PATJ: variants seen among roughly 807,000 people sequenced by gnomAD.
PATJ encodes inaD-like protein.
A neutral mutation model predicts 224.9 loss-of-function variants in PATJ; 190 were observed. That is an observed-to-expected ratio of 0.84 (90% CI 0.75 to 0.95). PATJ has a LOEUF of 0.95. Ranked by LOEUF, PATJ falls within the 40% of genes least tolerant of loss-of-function variation. The probability of loss-of-function intolerance (pLI) is 0.00; values close to 1 mark genes in which losing one functional copy is unlikely to be tolerated. For missense variants in PATJ, 2,121 were observed against 2,270.3 expected (o/e 0.93, Z 1.34); for synonymous variants, 769 against 820.3 (o/e 0.94, Z 1.07).
chr1:61,987,262 T>C (rs1644813296), intron 27 of PATJ, among the ~76,000 whole-genome samples: 1 of 152,174 alleles, frequency 6.6e-6, no homozygotes, highest in Non-Finnish European at 1.5e-5. Context: ...GTTTCTTTTA[T>C]GGCCCAATAT....
intron 7 of PATJ, among the ~76,000 whole-genome samples, chr1:61,778,988 C>G (rs185966270): frequency 4.6e-5 from 7 of 152,160 alleles, no homozygotes; most frequent in African/African-American, 1.7e-4. Context: ...TGTGAGCCAT[C>G]AAGCCTGGCG....
At chr1:62,048,234 A>G (rs1652893825) in intron 30 of PATJ, among the ~76,000 whole-genome samples, 1 of 152,176 alleles carries the variant, frequency 6.6e-6, no homozygotes, top group African/African-American at 2.4e-5. Context: ...AGTTCTGTCA[A>G]ATTCACATGG....
chr1:61,882,694 T>C (rs1006692541), intron 21 of PATJ, among the ~76,000 whole-genome samples: 1 of 152,154 alleles, frequency 6.6e-6, no homozygotes, highest in Non-Finnish European at 1.5e-5. Context: ...CTAGTGATCC[T>C]CCTGCCTCAG....
In PATJ at chr1:61,762,931, G is replaced by T. The variant is rs761582028; in HGVS notation, c.22+17G>T. On this transcript the variant is annotated intron_variant, in intron 2 of 43. Transcript: ENST00000642238. ...CTGCTACAGGTATACTGGATATATTGTTCTATAATTAAATTAATTATTTAA... is the reference window on the plus strand; with the variant it reads ...CTGCTACAGGTATACTGGATATATTTTTCTATAATTAAATTAATTATTTAA... 1.3e-6 allele frequency: 2 copies of T among 1,517,102 alleles called. No individual in the cohort carries two copies. The highest frequency in any genetic ancestry group is 1.8e-6 in the Non-Finnish European group (2 of 1,107,768). The allele number at this position is 1,517,102 out of a possible 1,614,324, so 94.0% of individuals were successfully genotyped here. A position where few individuals can be genotyped will look rare whatever the true frequency, so the allele number is the denominator to read the frequency against.
At chr1:61,915,889 G>A (rs142425070) in intron 26 of PATJ, among the ~76,000 whole-genome samples, 65 of 151,912 alleles carry the variant, frequency 4.3e-4, no homozygotes, top group African/African-American at 1.6e-3. Flanking sequence ...TAGAGACAAG[G>A]TTTCACCATG....
At chr1:62,130,675 C>T (rs1329825457) in intron 41 of PATJ, among the ~76,000 whole-genome samples, 1 of 151,776 alleles carries the variant, frequency 6.6e-6, no homozygotes, top group Non-Finnish European at 1.5e-5. Flanking sequence ...CATGGTGAAA[C>T]CCCATCTCTA....
At chr1:61,917,505 A>C (rs571450933) in intron 26 of PATJ, among the ~76,000 whole-genome samples, 136 of 152,290 alleles carry the variant, frequency 8.9e-4, no homozygotes, top group Non-Finnish European at 1.7e-3. Context: ...TGAATCCTTT[A>C]ATGTAGTAAA....
intron 15 of PATJ, among the ~76,000 whole-genome samples, chr1:61,826,279 T>C (rs1028376222): frequency 6.7e-6 from 1 of 149,960 alleles, no homozygotes; most frequent in Non-Finnish European, 1.5e-5. Context: ...AGCAACCCAG[T>C]GTCCTCTTCC....
chr1:61,822,921 T>G (rs760767942), intron 14 of PATJ, 24 bp from the exon 15 acceptor site: 50 of 1,613,636 alleles, frequency 3.1e-5, no homozygotes, highest in Non-Finnish European at 4.2e-5. Context: ...TCATGTTTGA[T>G]CATTGCTTTG....
At chr1:61,990,457 G>C in intron 28 of PATJ, 93 bp downstream of exon 28, 1 of 756,720 alleles carries the variant, frequency 1.3e-6, no homozygotes, top group Non-Finnish European at 2.0e-6. Flanking sequence ...GAAGAATGAT[G>C]TCAAATTATA....
intron 26 of PATJ, among the ~76,000 whole-genome samples, chr1:61,921,436 C>A (rs1249133690): frequency 6.6e-6 from 1 of 152,048 alleles, no homozygotes; most frequent in Non-Finnish European, 1.5e-5. Flanking sequence ...TAGAGGGACA[C>A]CTATTAATAA....
intron 1 of PATJ, among the ~76,000 whole-genome samples, chr1:61,745,706 C>T (rs1407651263): frequency 1.3e-5 from 2 of 151,452 alleles, no homozygotes; most frequent in Non-Finnish European, 1.5e-5. Flanking sequence ...CAGGGTCAAG[C>T]GCTTCTCTTG....
intron 6 of PATJ, among the ~76,000 whole-genome samples, chr1:61,773,863 G>T (rs535422130): frequency 1.3e-5 from 2 of 152,148 alleles, no homozygotes; most frequent in South Asian, 4.2e-4. Flanking sequence ...GCTCACGCCT[G>T]TAGTCCCAGG....
intron 29 of PATJ, among the ~76,000 whole-genome samples, chr1:62,032,344 T>TTA (rs1649492052): frequency 6.6e-6 from 1 of 152,158 alleles, no homozygotes. Context: ...TTAATTGGTT[T>TTA]AGAATTCATT....
chr1:62,022,038 A>C, intron 29 of PATJ, among the ~76,000 whole-genome samples: 1 of 151,832 alleles, frequency 6.6e-6, no homozygotes, highest in East Asian at 1.9e-4. Flanking sequence ...TACCTTGACA[A>C]CTGTTTTTCA....
chr1:62,002,833 G>A (rs969363753), intron 28 of PATJ, among the ~76,000 whole-genome samples: 3 of 152,008 alleles, frequency 2.0e-5, no homozygotes, highest in South Asian at 2.1e-4. Flanking sequence ...CAAGGGACAA[G>A]TGAAATACTT....
At chr1:61,833,854 A>AATTGTTTAAGACCCCT in intron 17 of PATJ, 69 bp downstream of exon 17, 1 of 1,454,892 alleles carries the variant, frequency 6.9e-7, no homozygotes, top group South Asian at 1.4e-5. Context: ...GGGAAGTAGC[A>AATTGTTTAAGACCCCT]ATTGTTTAAG....
chr1:61,758,173 C>T (rs1337843514), intron 1 of PATJ, among the ~76,000 whole-genome samples: 1 of 152,186 alleles, frequency 6.6e-6, no homozygotes. Context: ...CAGGCAGAAG[C>T]CGCAGACACA....
At chr1:61,811,169 T>G (rs186156909) in intron 14 of PATJ, among the ~76,000 whole-genome samples, 106 of 152,348 alleles carry the variant, frequency 7.0e-4, no homozygotes, top group Non-Finnish European at 1.8e-4. Context: ...ATATTGTACC[T>G]GCCTCATAGA....
Sources: gnomAD v4.1 joint callset for allele counts (sites outside exome capture counted in the v4.1 genomes callset) on GRCh38, gnomAD v4.1.1 for gene constraint, MANE v1.5 for transcripts, NCBI Gene and HGNC (gene_info 2026-07-23, HGNC 2026-07-21) for gene names.